SHISA9: variants seen among roughly 807,000 people sequenced by gnomAD.
The protein encoded by SHISA9 is shisa family member 9.
SHISA9 carries 13 observed loss-of-function variants against 38.0 expected under a neutral mutation model. The observed-to-expected ratio is 0.34, with a 90% CI of 0.22 to 0.54. The LOEUF (loss-of-function observed/expected upper bound fraction) is 0.54. Among genes scored for constraint, SHISA9 ranks in the 20% least tolerant of loss-of-function variants. The probability of loss-of-function intolerance (pLI) is 0.91; values close to 1 mark genes in which losing one functional copy is unlikely to be tolerated. For missense variants in SHISA9, 538 were observed against 575.8 expected (o/e 0.93, Z 0.67); for synonymous variants, 275 against 242.0 (o/e 1.14, Z -1.27).
chr16:13,221,548 A>G (rs1449467413), intron 4 of SHISA9, among the ~76,000 whole-genome samples: 1 of 152,098 alleles, frequency 6.6e-6, no homozygotes, highest in Non-Finnish European at 1.5e-5. Context: ...TATAAGTTAA[A>G]TACTGTTTTA....
Position 12,935,284 on chromosome 16 carries a change from G to T in SHISA9, c.691+18469G>T, listed in dbSNP as rs1023918890. ...CCCAAACAAATTCCATCTCCTCTCT[G>T]ATCTCTTCTCTGCATTTATGTATAT... On this transcript the variant is annotated intron_variant, in intron 2 of 4. Transcript: ENST00000558583. Among the ~76,000 whole-genome samples the T allele has an allele frequency of 3.3e-5, 5 of 152,174 alleles. No individual in the cohort carries two copies. In the East Asian group the frequency reaches 9.6e-4, roughly 29 times the overall value.
intron 2 of SHISA9, among the ~76,000 whole-genome samples, chr16:13,099,831 CAG>C (rs1417135744): frequency 1.3e-5 from 2 of 152,170 alleles, no homozygotes; most frequent in African/African-American, 4.8e-5. Context: ...GTAATGTGAT[CAG>C]AGTTATACTT....
the SHISA9 span, among the ~76,000 whole-genome samples, chr16:13,362,933 A>G: frequency 6.6e-6 from 1 of 152,226 alleles, no homozygotes; most frequent in Non-Finnish European, 1.5e-5. Context: ...CACATATAAA[A>G]GGAATGCTGA....
intron 2 of SHISA9, among the ~76,000 whole-genome samples, chr16:13,116,879 A>G (rs2074035522): frequency 6.6e-6 from 1 of 152,232 alleles, no homozygotes; most frequent in South Asian, 2.1e-4. Flanking sequence ...ACTTATTAAT[A>G]TAGGTTAGGG....
intron 2 of SHISA9, among the ~76,000 whole-genome samples, chr16:12,941,863 T>C (rs1481500544): frequency 2.6e-5 from 4 of 152,158 alleles, no homozygotes; most frequent in Non-Finnish European, 4.4e-5. Flanking sequence ...AAAAATTAAA[T>C]AAACAAATAA....
chr16:13,117,914 G>A (rs1467009078), intron 2 of SHISA9, among the ~76,000 whole-genome samples: 1 of 152,178 alleles, frequency 6.6e-6, no homozygotes, highest in East Asian at 1.9e-4. Flanking sequence ...TGGTGTGATG[G>A]CTCACACCTG....
chr16:13,059,768 T>C (rs1238759298), intron 2 of SHISA9, among the ~76,000 whole-genome samples: 1 of 152,022 alleles, frequency 6.6e-6, no homozygotes, highest in East Asian at 1.9e-4. Flanking sequence ...GTCGTTAGGG[T>C]AAGCCCCAAT....
chr16:13,100,839 C>T (rs538085808), intron 2 of SHISA9, among the ~76,000 whole-genome samples: 1 of 152,268 alleles, frequency 6.6e-6, no homozygotes, highest in East Asian at 1.9e-4. Flanking sequence ...TCCCAAGTAG[C>T]TGGGATTACA....
intron 2 of SHISA9, among the ~76,000 whole-genome samples, chr16:12,932,034 T>C (rs1468739479): frequency 6.6e-6 from 1 of 152,174 alleles, no homozygotes; most frequent in Non-Finnish European, 1.5e-5. Flanking sequence ...ATGGGTTTTT[T>C]AATAAAGTGC....
intron 2 of SHISA9, among the ~76,000 whole-genome samples, chr16:13,114,525 G>A (rs1021838666): frequency 6.7e-6 from 1 of 149,282 alleles, no homozygotes; most frequent in Non-Finnish European, 1.5e-5. Context: ...CAATCACCCA[G>A]GTCCCCACTA....
chr16:12,942,190 C>T (rs1596541419), intron 2 of SHISA9, among the ~76,000 whole-genome samples: 1 of 152,222 alleles, frequency 6.6e-6, no homozygotes, highest in South Asian at 2.1e-4. Flanking sequence ...CTGTGCAACC[C>T]TTCTCAGGGA....
At chr16:13,250,062 C>T in the SHISA9 span, among the ~76,000 whole-genome samples, 1 of 152,152 alleles carries the variant, frequency 6.6e-6, no homozygotes, top group Non-Finnish European at 1.5e-5. Context: ...CTTGCATTCT[C>T]TGACCCTCAC....
intron 2 of SHISA9, among the ~76,000 whole-genome samples, chr16:12,981,843 A>C (rs567812710): frequency 6.6e-6 from 1 of 152,156 alleles, no homozygotes; most frequent in South Asian, 2.1e-4. Context: ...GAAATGCACA[A>C]AGGGAAAAGA....
chr16:13,289,816 C>G, the SHISA9 span, among the ~76,000 whole-genome samples: 13 of 152,170 alleles, frequency 8.5e-5, no homozygotes, highest in African/African-American at 3.1e-4. Flanking sequence ...GCAACTCTAA[C>G]TTTCTTTTCA....
At chr16:13,094,471 A>G (rs924464025) in intron 2 of SHISA9, among the ~76,000 whole-genome samples, 4 of 152,144 alleles carry the variant, frequency 2.6e-5, no homozygotes, top group Non-Finnish European at 5.9e-5. Context: ...TAAAAAAAAA[A>G]TCCCCCAAAC....
intron 2 of SHISA9, among the ~76,000 whole-genome samples, chr16:13,163,592 C>T (rs551521184): frequency 9.2e-5 from 14 of 152,082 alleles, no homozygotes; most frequent in Non-Finnish European, 1.6e-4. Context: ...GAAATGATAG[C>T]TTAAAATACT....
intron 2 of SHISA9, among the ~76,000 whole-genome samples, chr16:12,976,376 C>T (rs1394817449): frequency 2.0e-5 from 3 of 152,156 alleles, no homozygotes; most frequent in African/African-American, 7.2e-5. Flanking sequence ...CAGGCATGAG[C>T]CACCATGCCT....
chr16:13,262,172 C>G, the SHISA9 span, among the ~76,000 whole-genome samples: 1 of 152,158 alleles, frequency 6.6e-6, no homozygotes, highest in Admixed American at 6.5e-5. Flanking sequence ...AACAGGTTGT[C>G]AATCCTCCAA....
chr16:12,963,877 A>T (rs968631512), intron 2 of SHISA9, among the ~76,000 whole-genome samples: 4 of 152,188 alleles, frequency 2.6e-5, no homozygotes, highest in African/African-American at 9.7e-5. Flanking sequence ...GCATTTTTAC[A>T]TGTTTTGGAT....
Sources: gnomAD v4.1 joint callset for allele counts (sites outside exome capture counted in the v4.1 genomes callset) on GRCh38, gnomAD v4.1.1 for gene constraint, MANE v1.5 for transcripts, NCBI Gene and HGNC (gene_info 2026-07-23, HGNC 2026-07-21) for gene names.